The following ACAN variants were observed in gnomAD, a reference collection of about 807,000 sequenced individuals.
ACAN encodes the protein aggrecan core protein.
Under a neutral mutation model 169.1 loss-of-function variants are expected in ACAN, and 47 were observed. The observed-to-expected ratio is 0.28, with a 90% CI of 0.22 to 0.35. ACAN has a LOEUF of 0.35. Among genes scored for constraint, ACAN ranks in the 10% least tolerant of loss-of-function variants. The pLI is 1.00. For synonymous variants in ACAN, 1,115 were observed against 1,112.2 expected, an observed-to-expected ratio of 1.00 and a Z score of -0.05; for missense variants, 2,716 against 2,759.9, an observed-to-expected ratio of 0.98 and a Z score of 0.36.
rs757190295 is a variant in ACAN, at chr15:88,847,309, C to T, written c.1496C>T (p.Ala499Val). The T allele has an allele frequency of 1.1e-4, 175 of 1,574,588 alleles. 1 individual carries two copies. Among genetic ancestry groups the T allele is most frequent in the Non-Finnish European group, 5.2e-6 (6 of 1,161,338 alleles). The change falls in exon 8 of 19, where the codon GCC becomes GTC. Residue 499 changes from alanine (A) to valine (V), a missense_variant. Physicochemically the swap from Ala to Val is moderately conservative, Grantham distance 64. Coordinates refer to ENST00000560601, the MANE Select transcript of ACAN (RefSeq NM_001369268.1). The stretch of plus-strand genomic sequence containing the variant: ...CTGACCTTTGAGGAGGCACAGCAGG[C>T]CTGCCTGCGCACGGGGGCGGTCATT... ...YSLTFEEAQQ[A>V]CLRTGAVIAS...
At chr15:88,844,409 T>C (rs1392328311) in intron 6 of ACAN, among the ~76,000 whole-genome samples, 3 of 151,824 alleles carry the variant, frequency 2.0e-5, no homozygotes, top group Non-Finnish European at 4.4e-5. Flanking sequence ...AATCTCACTC[T>C]GTCACCCAGG....
At chr15:88,837,103 A>G (rs1484110821) in intron 2 of ACAN, among the ~76,000 whole-genome samples, 4 of 152,190 alleles carry the variant, frequency 2.6e-5, no homozygotes, top group Admixed American at 1.3e-4. Context: ...GCATGGGTCC[A>G]TCCTCCTACG....
Position 88,809,466 on chromosome 15 carries a change from T to A in ACAN, c.-8+5657T>A, listed in dbSNP as rs1240749179. 2.0e-5 allele frequency among the ~76,000 whole-genome samples: 3 copies of A among 152,170 alleles called. 1 individual carries two copies. The highest frequency in any genetic ancestry group is 7.2e-5 in the African/African-American group (3 of 41,448). On this transcript the variant is annotated intron_variant, in intron 1 of 18. Coordinates refer to ENST00000560601, the MANE Select transcript of ACAN (RefSeq NM_001369268.1). ...TCCGAAGGAGGCCTGTGGGGGTGCC[T>A]TGAAGCCGATGCAGGCACCTTTGGT...
Position 88,851,948 on chromosome 15 carries a change from T to A in ACAN, c.2181T>A (p.Thr727=), listed in dbSNP as rs1896940384. The A allele has an allele frequency of 6.2e-7, 1 of 1,612,650 alleles. No homozygotes were observed. The highest frequency in any genetic ancestry group is 8.5e-7 in the Non-Finnish European group (1 of 1,179,426). The part of the protein sequence containing the change: ...ETTAVPSGET[T]AILEFTTEPE... ...CTGCTGTACCCTCAGGGGAGACTAC[T>A]GCCATCCTAGAGTTCACCACCGAGC... Residue 727 remains threonine (T), a synonymous_variant, in exon 11 of 19, where the codon ACT becomes ACA. Transcript: ENST00000560601. This position sits in a 1 kb window ranked among gnomAD's most constrained non-coding sequence, Gnocchi z 4.3.
chr15:88,832,172 A>G (rs1010014443), intron 1 of ACAN, among the ~76,000 whole-genome samples: 2 of 152,136 alleles, frequency 1.3e-5, no homozygotes, highest in Non-Finnish European at 2.9e-5. Context: ...GGAGGTCATT[A>G]TTGTAAAGCA....
At chr15:88,853,779 T>G (rs539111607) in intron 11 of ACAN, among the ~76,000 whole-genome samples, 1 of 151,836 alleles carries the variant, frequency 6.6e-6, no homozygotes, top group Non-Finnish European at 1.5e-5. Context: ...CATACATACA[T>G]ACATACGTAC....
Position 88,855,023 on chromosome 15 carries a change from C to T in ACAN, c.2438C>T (p.Pro813Leu). 3 of 1,594,910 alleles carry T rather than the reference C, an allele frequency of 1.9e-6. No homozygotes were observed. The highest frequency in any genetic ancestry group is 2.6e-6 in the Non-Finnish European group (3 of 1,171,730). ...EEPFPSVRPFPSVELFPSEEP... is the reference protein window; with the variant it reads ...EEPFPSVRPFLSVELFPSEEP... ...CCATTCCCCTCAGTGAGGCCATTCC[C>T]CTCAGTGGAGCTGTTCCCCTCAGAG... Residue 813 changes from proline to leucine, a missense_variant, in exon 12 of 19, where the codon CCC (proline) becomes CTC (leucine). By Grantham distance (98) the Pro-to-Leu change is moderately conservative. Around this residue, in one of 3 missense-constraint regions of ACAN, gnomAD observed 1,283 missense variants for 1,281.5 expected, o/e 1.00. Coordinates refer to ENST00000560601, the MANE Select transcript of ACAN (RefSeq NM_001369268.1).
At chr15:88,844,289 C>G (rs1336804929) in intron 6 of ACAN, among the ~76,000 whole-genome samples, 1 of 129,224 alleles carries the variant, frequency 7.7e-6, no homozygotes, top group Non-Finnish European at 1.6e-5. Context: ...CACCACCATG[C>G]TTTGCTTTTT....
rs1195138124 is a variant in ACAN, at chr15:88,840,032, G to C, written c.475G>C (p.Ala159Pro). Residue 159 changes from alanine (A) to proline (P), a missense_variant, in exon 4 of 19, where the codon GCC becomes CCC. By Grantham distance (27) the Ala-to-Pro change is conservative. This residue lies in a region of ACAN where 1,283 missense variants were observed against 1,281.5 expected (regional missense o/e 1.00). Transcript: ENST00000560601. ...VVKGIVFHYR[A>P]ISTRYTLDFD... Reference sequence around the variant, plus strand: ...TGCAGGCATCGTGTTCCATTACAGAGCCATCTCTACACGCTACACCCTCGA... The same window carrying C: ...TGCAGGCATCGTGTTCCATTACAGACCCATCTCTACACGCTACACCCTCGA... 1.9e-6 allele frequency: 3 copies of C among 1,601,448 alleles called. No individual in the cohort carries two copies. The highest frequency in any genetic ancestry group is 1.7e-4 in the Middle Eastern group (1 of 6,048).
chr15:88,813,672 C>T (rs1160845589), intron 1 of ACAN, among the ~76,000 whole-genome samples: 1 of 152,244 alleles, frequency 6.6e-6, no homozygotes, highest in Non-Finnish European at 1.5e-5. Flanking sequence ...CCATCTTTCA[C>T]CTCATTTCCT....
rs535175138 is a variant in ACAN at position 88,865,426 on chromosome 15, C to G, written c.6947-2790C>G. On this transcript the variant is annotated intron_variant, in intron 13 of 18. Coordinates refer to ENST00000560601, the MANE Select transcript of ACAN (RefSeq NM_001369268.1). ...TCACCTCACTTGTTTTCTTTCTGTT[C>G]TTTCTTTCTTTCTTTTCTGTTTTGT... Among the ~76,000 whole-genome samples, 8 of 151,512 alleles carry G rather than the reference C, an allele frequency of 5.3e-5. No individual in the cohort carries two copies. The South Asian group carries it at 1.7e-3, about 31-fold the overall frequency.
At position 88,849,544 on chromosome 15, in the gene ACAN, C is replaced by A; in HGVS notation, c.1839C>A (p.Ala613=). The part of the protein sequence containing the change: ...ATLATTGQLY[A]AWSRGLDKCY... ...TGGCCACCACGGGCCAGCTCTACGC[C>A]GCCTGGAGCCGCGGCCTGGACAAGT... Residue 613 remains alanine, a synonymous_variant, in exon 10 of 19, where the codon GCC becomes GCA. Coordinates refer to ENST00000560601, the MANE Select transcript of ACAN (RefSeq NM_001369268.1). The surrounding 1 kb of genome is among the most constrained non-coding windows in gnomAD (Gnocchi z 5.1). 5 of 1,604,934 alleles carry A rather than the reference C, an allele frequency of 3.1e-6. No homozygotes were observed. The highest frequency in any genetic ancestry group is 4.3e-6 in the Non-Finnish European group (5 of 1,176,086).
At position 88,851,922 on chromosome 15, in the gene ACAN, A is replaced by G. The variant is rs1434872568; in HGVS notation, c.2155A>G (p.Thr719Ala). 2 of 1,612,748 alleles carry G rather than the reference A, an allele frequency of 1.2e-6. No individual in the cohort carries two copies. Among genetic ancestry groups the G allele is most frequent in the Non-Finnish European group, 1.7e-6 (2 of 1,179,464 alleles). ...TGCTGTCCCCGTAGAAGAGGAGACA[A>G]CTGCTGTACCCTCAGGGGAGACTAC... The part of the protein sequence containing the change: ...VAAVPVEEET[T>A]AVPSGETTAI... Residue 719 changes from threonine to alanine, a missense_variant, in exon 11 of 19, where the codon ACT becomes GCT. Physicochemically the swap from Thr to Ala is moderately conservative, Grantham distance 58. This residue lies in a region of ACAN where 1,283 missense variants were observed against 1,281.5 expected (regional missense o/e 1.00). Transcript: ENST00000560601. This position sits in a 1 kb window ranked among gnomAD's most constrained non-coding sequence, Gnocchi z 4.3.
intron 11 of ACAN, among the ~76,000 whole-genome samples, chr15:88,854,403 G>T (rs1897001201): frequency 6.6e-6 from 1 of 152,216 alleles, no homozygotes; most frequent in African/African-American, 2.4e-5. Flanking sequence ...CTTGCTGCGA[G>T]TCCAAGCTTT....
intron 1 of ACAN, among the ~76,000 whole-genome samples, chr15:88,812,253 A>C (rs2141494114): frequency 6.6e-6 from 1 of 152,096 alleles, no homozygotes; most frequent in East Asian, 1.9e-4. Flanking sequence ...ACTTATGTAC[A>C]CCAGATAAGG....
intron 1 of ACAN, among the ~76,000 whole-genome samples, chr15:88,809,085 T>C (rs1895756843): frequency 6.6e-6 from 1 of 152,204 alleles, no homozygotes; most frequent in African/African-American, 2.4e-5. Flanking sequence ...ATAAAGGACC[T>C]GGCACAAATT....
At chr15:88,853,365 C>T (rs560461287) in intron 11 of ACAN, among the ~76,000 whole-genome samples, 126 of 152,314 alleles carry the variant, frequency 8.3e-4, no homozygotes, top group African/African-American at 2.3e-3. Flanking sequence ...GGGCTGAGTA[C>T]GGTGGCTTAC....
chr15:88,806,052 C>A (rs1895673724), intron 1 of ACAN, among the ~76,000 whole-genome samples: 1 of 152,228 alleles, frequency 6.6e-6, no homozygotes, highest in Non-Finnish European at 1.5e-5. Context: ...GACTGGGATT[C>A]AAATTCCAGC....
intron 1 of ACAN, among the ~76,000 whole-genome samples, chr15:88,823,596 T>A (rs982222646): frequency 2.0e-5 from 3 of 152,040 alleles, no homozygotes. Flanking sequence ...TCAGCCAAAT[T>A]CATCCTTCAC....
Sources: allele counts gnomAD v4.1 joint callset (sites outside exome capture counted in the v4.1 genomes callset), GRCh38; gene constraint gnomAD v4.1.1; regional missense constraint gnomAD v4.1.1; non-coding constraint Gnocchi (gnomAD v3.1); transcripts MANE v1.5; gene names NCBI Gene and HGNC (gene_info 2026-07-23, HGNC 2026-07-21).